Variants in ANKS1B observed in about 807,000 individuals in gnomAD.
ANKS1B encodes the protein ankyrin repeat and sterile alpha motif domain-containing protein 1B.
A neutral mutation model predicts 148.3 loss-of-function variants in ANKS1B; 36 were observed. The observed-to-expected ratio is 0.24, with a 90% CI of 0.19 to 0.32. ANKS1B has a LOEUF of 0.32. ANKS1B is among the 10% of genes least tolerant of loss of function. ANKS1B has a pLI of 1.00. For synonymous variants in ANKS1B, 542 were observed against 560.8 expected (o/e 0.97, Z 0.47); for missense variants, 1,157 against 1,542.6 (o/e 0.75, Z 4.19).
At chr12:99,501,655 G>A (rs1312667884) in intron 10 of ANKS1B, among the ~76,000 whole-genome samples, 1 of 152,082 alleles carries the variant, frequency 6.6e-6, no homozygotes, top group Non-Finnish European at 1.5e-5. Context: ...TTCTATGGAG[G>A]AAGGATTTCC....
intron 17 of ANKS1B, among the ~76,000 whole-genome samples, chr12:98,998,990 TTTGTGGGTCATAATAGAAATAGTAA>T (rs2153354074): frequency 6.6e-6 from 1 of 152,334 alleles, no homozygotes; most frequent in South Asian, 2.1e-4. Context: ...TTATAATCTC[TTTGTGGGTCATAATAGAAATAGTAA>T]TTGTTAATCT....
intron 26 of ANKS1B, among the ~76,000 whole-genome samples, chr12:98,746,107 G>A (rs1043317146): frequency 1.3e-5 from 2 of 152,184 alleles, no homozygotes; most frequent in African/African-American, 4.8e-5. Flanking sequence ...AGACAGAGGC[G>A]GATTTCAGTG....
chr12:98,738,124 C>T (rs1008038841), intron 9 of ANKS1B, among the ~76,000 whole-genome samples: 1 of 152,184 alleles, frequency 6.6e-6, no homozygotes, highest in Non-Finnish European at 1.5e-5. Context: ...ACATTTGAGA[C>T]GTAGCAGAGA....
chr12:99,523,185 T>G (rs962522227), intron 9 of ANKS1B, among the ~76,000 whole-genome samples: 4 of 152,198 alleles, frequency 2.6e-5, no homozygotes, highest in African/African-American at 9.6e-5. Context: ...CATGATGCAC[T>G]TGGCTTGGTG....
chr12:99,446,871 A>T (rs1465617769), intron 10 of ANKS1B, among the ~76,000 whole-genome samples: 1 of 152,050 alleles, frequency 6.6e-6, no homozygotes, highest in African/African-American at 2.4e-5. Context: ...AAGCTGGAAG[A>T]TATGTTAAGA....
chr12:99,714,502 GTC>G (rs1220379591), intron 8 of ANKS1B, among the ~76,000 whole-genome samples: 3 of 152,110 alleles, frequency 2.0e-5, no homozygotes, highest in Non-Finnish European at 4.4e-5. Context: ...ATGGCTTGGT[GTC>G]ACATTTTGAT....
chr12:99,124,169 G>T (rs1205810199), intron 15 of ANKS1B, among the ~76,000 whole-genome samples: 2 of 152,158 alleles, frequency 1.3e-5, no homozygotes, highest in East Asian at 3.9e-4. Context: ...CTACGTAGGG[G>T]CTCAAGAAGG....
intron 9 of ANKS1B, among the ~76,000 whole-genome samples, chr12:99,575,570 G>A (rs2097508975): frequency 6.6e-6 from 1 of 152,012 alleles, no homozygotes; most frequent in Admixed American, 6.6e-5. Context: ...TATGGCAGCA[G>A]GCAAGAGAAA....
At chr12:99,908,216 T>C (rs2093862717) in intron 1 of ANKS1B, among the ~76,000 whole-genome samples, 1 of 152,188 alleles carries the variant, frequency 6.6e-6, no homozygotes, top group Non-Finnish European at 1.5e-5. Context: ...GTTCTATTTT[T>C]GTTTATTCAA....
chr12:99,046,795 G>A (rs527602208), intron 17 of ANKS1B, among the ~76,000 whole-genome samples: 10 of 137,012 alleles, frequency 7.3e-5, no homozygotes, highest in African/African-American at 1.9e-4. Flanking sequence ...GCAACAGAGC[G>A]AGACTCTGTC....
intron 4 of ANKS1B, among the ~76,000 whole-genome samples, chr12:99,788,852 G>C (rs2065293786): frequency 6.6e-6 from 1 of 152,134 alleles, no homozygotes; most frequent in African/African-American, 2.4e-5. Context: ...CAGAAGTGGT[G>C]GTGGCCACAG....
At chr12:99,948,519 C>T (rs2095131921) in intron 1 of ANKS1B, among the ~76,000 whole-genome samples, 1 of 152,166 alleles carries the variant, frequency 6.6e-6, no homozygotes, top group Non-Finnish European at 1.5e-5. Flanking sequence ...CAGATGGTTA[C>T]ATCTCCCTGG....
intron 8 of ANKS1B, among the ~76,000 whole-genome samples, chr12:99,734,142 C>T (rs2059409840): frequency 6.6e-6 from 1 of 152,104 alleles, no homozygotes; most frequent in Non-Finnish European, 1.5e-5. Flanking sequence ...AACTTTTTTC[C>T]TCTCTGCCTT....
chr12:98,802,866 T>C (rs1343918088), intron 20 of ANKS1B, among the ~76,000 whole-genome samples: 1 of 152,008 alleles, frequency 6.6e-6, no homozygotes, highest in Non-Finnish European at 1.5e-5. Flanking sequence ...TCTGTTGGTA[T>C]TTTTTATTTT....
chr12:99,788,448 G>A (rs1191113106), intron 4 of ANKS1B, among the ~76,000 whole-genome samples: 5 of 152,164 alleles, frequency 3.3e-5, no homozygotes, highest in Non-Finnish European at 7.4e-5. Context: ...AGCTCTTGGA[G>A]CCTAAATAAG....
intron 12 of ANKS1B, among the ~76,000 whole-genome samples, chr12:99,257,993 A>G (rs1285913609): frequency 6.6e-6 from 1 of 152,228 alleles, no homozygotes; most frequent in African/African-American, 2.4e-5. Context: ...TGTCTTATTC[A>G]GAATATATTT....
At chr12:98,807,386 C>T (rs565130215) in intron 20 of ANKS1B, among the ~76,000 whole-genome samples, 1 of 152,244 alleles carries the variant, frequency 6.6e-6, no homozygotes, top group East Asian at 1.9e-4. Context: ...ACATGCAAAT[C>T]ATACTCAGAA....
chr12:99,910,947 G>A (rs777952929), intron 1 of ANKS1B, among the ~76,000 whole-genome samples: 1 of 152,160 alleles, frequency 6.6e-6, no homozygotes, highest in Admixed American at 6.5e-5. Context: ...TTCATACTAT[G>A]TGCCAGCTAT....
intron 9 of ANKS1B, among the ~76,000 whole-genome samples, chr12:99,558,351 T>C (rs1018105371): frequency 6.6e-6 from 1 of 152,090 alleles, no homozygotes; most frequent in Admixed American, 6.5e-5. Flanking sequence ...CATAGTGTGC[T>C]CACACTGGCA....
Sources: gnomAD v4.1 joint callset for allele counts (sites outside exome capture counted in the v4.1 genomes callset) on GRCh38, gnomAD v4.1.1 for gene constraint, MANE v1.5 for transcripts, NCBI Gene and HGNC (gene_info 2026-07-23, HGNC 2026-07-21) for gene names.